Variants in PLCL1 observed in about 807,000 individuals in gnomAD.
PLCL1 encodes inactive phospholipase C-like protein 1.
A neutral mutation model predicts 84.4 loss-of-function variants in PLCL1; 41 were observed. That is an observed-to-expected ratio of 0.49 (90% CI 0.38 to 0.63). The LOEUF (loss-of-function observed/expected upper bound fraction) is 0.63. Ranked by LOEUF, PLCL1 falls within the 30% of genes least tolerant of loss-of-function variation. The pLI, the probability that PLCL1 is intolerant of heterozygous loss-of-function variation, is 0.00. For synonymous variants in PLCL1, 490 were observed against 488.3 expected, an observed-to-expected ratio of 1.00 and a Z score of -0.05; for missense variants, 1,206 against 1,367.8, an observed-to-expected ratio of 0.88 and a Z score of 1.87.
intron 1 of PLCL1, among the ~76,000 whole-genome samples, chr2:198,021,046 G>A (rs1391998661): frequency 2.6e-5 from 4 of 152,140 alleles, no homozygotes; most frequent in African/African-American, 9.7e-5. Context: ...ATAACAAACA[G>A]TCTCTCAGAC....
intron 1 of PLCL1, among the ~76,000 whole-genome samples, chr2:197,928,687 A>G (rs1688877561): frequency 6.6e-6 from 1 of 152,194 alleles, no homozygotes; most frequent in South Asian, 2.1e-4. Context: ...TTGAACTTTG[A>G]TTTTAAAAAG....
chr2:197,987,383 C>A (rs1690239896), intron 1 of PLCL1, among the ~76,000 whole-genome samples: 1 of 152,192 alleles, frequency 6.6e-6, no homozygotes, highest in Non-Finnish European at 1.5e-5. Flanking sequence ...TCATGCATGG[C>A]AGTAGGCTGA....
At chr2:198,037,828 GA>G (rs1451577695) in intron 1 of PLCL1, among the ~76,000 whole-genome samples, 1 of 152,098 alleles carries the variant, frequency 6.6e-6, no homozygotes. Context: ...AAAGACTCTA[GA>G]AAAGAATTGC....
Position 198,119,901 on chromosome 2 carries a change from C to A in PLCL1, c.3105+15965C>A, listed in dbSNP as rs1304131436. ...AAGATGATGCGACTAACTAGTAAGC[C>A]GTGGGGATGGATGCACACCTTGATC... On this transcript the variant is annotated intron_variant, in intron 5 of 5. Coordinates refer to ENST00000428675, the MANE Select transcript of PLCL1 (RefSeq NM_006226.4). Among the ~76,000 whole-genome samples the A allele has an allele frequency of 4.0e-5, 6 of 151,872 alleles. No homozygotes were observed. In the East Asian group the frequency reaches 1.2e-3, roughly 29 times the overall value.
intron 1 of PLCL1, among the ~76,000 whole-genome samples, chr2:197,912,455 A>T (rs1275203126): frequency 6.6e-6 from 1 of 152,052 alleles, no homozygotes; most frequent in Non-Finnish European, 1.5e-5. Flanking sequence ...TATATACCCA[A>T]AGGAATATAA....
At chr2:197,826,622 G>A (rs375555950) in intron 1 of PLCL1, among the ~76,000 whole-genome samples, 18 of 152,028 alleles carry the variant, frequency 1.2e-4, no homozygotes, top group African/African-American at 3.6e-4. Context: ...TGACCGATTC[G>A]TTCATTCATC....
intron 1 of PLCL1, among the ~76,000 whole-genome samples, chr2:197,815,014 G>A (rs1690660151): frequency 6.6e-6 from 1 of 152,154 alleles, no homozygotes; most frequent in African/African-American, 2.4e-5. Flanking sequence ...AGCAAGTGCT[G>A]ATGTAGAAGC....
At chr2:197,816,694 T>C (rs1187265751) in intron 1 of PLCL1, among the ~76,000 whole-genome samples, 1 of 152,120 alleles carries the variant, frequency 6.6e-6, no homozygotes, top group Non-Finnish European at 1.5e-5. Flanking sequence ...ATAAATAAAA[T>C]AAAGAGCATT....
intron 5 of PLCL1, among the ~76,000 whole-genome samples, chr2:198,115,803 C>G (rs891744840): frequency 6.6e-6 from 1 of 151,562 alleles, no homozygotes; most frequent in Non-Finnish European, 1.5e-5. Context: ...GGGGAAACCA[C>G]CCCCATGATT....
chr2:198,051,277 G>A (rs1262471114), intron 1 of PLCL1, among the ~76,000 whole-genome samples: 19 of 152,058 alleles, frequency 1.2e-4, no homozygotes, highest in Admixed American at 1.2e-3. Flanking sequence ...AAAAAACTTT[G>A]TATTTTGCAA....
intron 1 of PLCL1, among the ~76,000 whole-genome samples, chr2:198,061,400 G>A (rs1692195801): frequency 6.6e-6 from 1 of 152,128 alleles, no homozygotes; most frequent in South Asian, 2.1e-4. Context: ...ATAAAGGGAT[G>A]TTAACCGTTC....
At chr2:198,053,864 A>G (rs139275357) in intron 1 of PLCL1, among the ~76,000 whole-genome samples, 18 of 152,230 alleles carry the variant, frequency 1.2e-4, no homozygotes, top group Admixed American at 5.2e-4. Context: ...TGGGTGTAGA[A>G]CCAATGGGTT....
chr2:197,950,818 G>C (rs1402398948), intron 1 of PLCL1, among the ~76,000 whole-genome samples: 1 of 152,122 alleles, frequency 6.6e-6, no homozygotes, highest in African/African-American at 2.4e-5. Context: ...GACTTCACTA[G>C]AGCAGTTGCC....
chr2:197,889,500 C>T (rs180819405), intron 1 of PLCL1, among the ~76,000 whole-genome samples: 3 of 152,176 alleles, frequency 2.0e-5, no homozygotes, highest in East Asian at 1.9e-4. Flanking sequence ...AATATTCTGT[C>T]AAACATTTTA....
At chr2:198,036,899 G>A (rs1001228270) in intron 1 of PLCL1, among the ~76,000 whole-genome samples, 1 of 152,132 alleles carries the variant, frequency 6.6e-6, no homozygotes, top group African/African-American at 2.4e-5. Flanking sequence ...TTCTTCCAAG[G>A]CAGACAGGGC....
intron 5 of PLCL1, among the ~76,000 whole-genome samples, chr2:198,107,289 G>C (rs545909261): frequency 4.6e-5 from 7 of 151,938 alleles, no homozygotes; most frequent in African/African-American, 1.7e-4. Flanking sequence ...CCTCCCACCA[G>C]GTCCCTCCTA....
At chr2:197,936,903 T>C (rs1689065596) in intron 1 of PLCL1, among the ~76,000 whole-genome samples, 1 of 152,178 alleles carries the variant, frequency 6.6e-6, no homozygotes. Flanking sequence ...GCTAGTAGTT[T>C]TATAGTTTCA....
intron 1 of PLCL1, among the ~76,000 whole-genome samples, chr2:198,021,216 A>G (rs946941675): frequency 3.3e-5 from 5 of 152,234 alleles, no homozygotes; most frequent in South Asian, 2.1e-4. Context: ...CAAAGACACA[A>G]TGTACCAGAG....
chr2:198,002,092 C>A, intron 1 of PLCL1: 1 of 287,034 alleles, frequency 3.5e-6, no homozygotes, highest in Non-Finnish European at 7.2e-6. Context: ...GTGCTTAAAT[C>A]ATCCCAAAAC....
Sources: allele counts gnomAD v4.1 joint callset (sites outside exome capture counted in the v4.1 genomes callset), GRCh38; gene constraint gnomAD v4.1.1; transcripts MANE v1.5; gene names NCBI Gene and HGNC (gene_info 2026-07-23, HGNC 2026-07-21).